The following CCDC178 variants were observed in gnomAD, a reference collection of about 807,000 sequenced individuals.
CCDC178 encodes the protein coiled-coil domain-containing protein 178.
A neutral mutation model predicts 117.4 loss-of-function variants in CCDC178; 126 were observed. That is an observed-to-expected ratio of 1.07 (90% confidence interval 0.93 to 1.24). The LOEUF (loss-of-function observed/expected upper bound fraction) is 1.24, where lower values mean the gene tolerates loss of function less well. CCDC178 is among the 50% of genes most tolerant of loss of function. The pLI is 0.00. For synonymous variants in CCDC178, 283 were observed against 313.4 expected (o/e 0.90, Z 1.02); for missense variants, 1,030 against 986.9 (o/e 1.04, Z -0.59).
At position 33,304,297 on chromosome 18, in the gene CCDC178, C is replaced by T. The variant is rs534151357; in HGVS notation, c.1023-10985G>A. 6.5e-4 allele frequency among the ~76,000 whole-genome samples: 99 copies of T among 152,256 alleles called. 1 individual carries two copies. The highest frequency in any genetic ancestry group is 2.3e-3 in the African/African-American group (94 of 41,556). The stretch of plus-strand genomic sequence containing the variant: ...CTGCCATCACATTGCTGGTTGTTGG[C>T]AGCAATTCTCAAGGGTGGTTGATTC... On this transcript the variant is annotated intron_variant, in intron 11 of 22. Coordinates refer to ENST00000383096, the MANE Select transcript of CCDC178 (RefSeq NM_001105528.4).
At chr18:33,082,567 A>G (rs1381222665) in intron 21 of CCDC178, among the ~76,000 whole-genome samples, 3 of 152,162 alleles carry the variant, frequency 2.0e-5, no homozygotes, top group Non-Finnish European at 1.5e-5. Context: ...GTATAATTGA[A>G]ATGATTGTGT....
chr18:33,388,079 A>C (rs2063518914), intron 5 of CCDC178, among the ~76,000 whole-genome samples: 1 of 152,234 alleles, frequency 6.6e-6, no homozygotes, highest in African/African-American at 2.4e-5. Flanking sequence ...TCTCAAGAAA[A>C]AGGCATACAT....
rs181715120 is a variant in CCDC178 at position 33,271,057 on chromosome 18, T to C, written c.1177-3760A>G. Among the ~76,000 whole-genome samples the C allele has an allele frequency of 2.6e-5, 4 of 151,548 alleles. No individual in the cohort carries two copies. In the East Asian group the frequency reaches 7.7e-4, roughly 29 times the overall value. Reference sequence around the variant, plus strand: ...AATCCAAAATAATTTTTTTTGTAAATTACATTGTGAATTCCACTCCTAGGG... The same window carrying C: ...AATCCAAAATAATTTTTTTTGTAAACTACATTGTGAATTCCACTCCTAGGG... On this transcript the variant is annotated intron_variant, in intron 12 of 22. Coordinates refer to ENST00000383096, the MANE Select transcript of CCDC178 (RefSeq NM_001105528.4).
intron 11 of CCDC178, among the ~76,000 whole-genome samples, chr18:33,321,557 G>A (rs1187650053): frequency 2.0e-5 from 3 of 152,044 alleles, no homozygotes; most frequent in Non-Finnish European, 2.9e-5. Flanking sequence ...AATAACTAGA[G>A]TAAAATTTTT....
chr18:33,398,761 T>G (rs1172691839), intron 3 of CCDC178, among the ~76,000 whole-genome samples: 1 of 152,124 alleles, frequency 6.6e-6, no homozygotes, highest in Non-Finnish European at 1.5e-5. Flanking sequence ...TCTAGACAAC[T>G]GCAATAAAGT....
intron 20 of CCDC178, among the ~76,000 whole-genome samples, chr18:33,107,331 C>A (rs965018687): frequency 6.6e-6 from 1 of 151,502 alleles, no homozygotes; most frequent in African/African-American, 2.4e-5. Context: ...TAAATGTATT[C>A]CATCATTTAT....
chr18:33,063,626 A>G (rs1377127233), intron 21 of CCDC178, among the ~76,000 whole-genome samples: 2 of 152,172 alleles, frequency 1.3e-5, no homozygotes, highest in Non-Finnish European at 2.9e-5. Flanking sequence ...CACACGCTGT[A>G]CACAGAGCCC....
At chr18:33,049,178 T>C (rs2056698153) in intron 21 of CCDC178, among the ~76,000 whole-genome samples, 1 of 152,084 alleles carries the variant, frequency 6.6e-6, no homozygotes, top group African/African-American at 2.4e-5. Flanking sequence ...AGCCTCACAA[T>C]AAGATTTTTC....
chr18:33,151,685 T>G (rs1292033592), intron 20 of CCDC178, among the ~76,000 whole-genome samples: 1 of 152,202 alleles, frequency 6.6e-6, no homozygotes, highest in Non-Finnish European at 1.5e-5. Context: ...GAAAACTGTT[T>G]CTCATTTCTG....
At chr18:33,160,457 T>A (rs768922707) in intron 20 of CCDC178, among the ~76,000 whole-genome samples, 1 of 152,150 alleles carries the variant, frequency 6.6e-6, no homozygotes, top group Non-Finnish European at 1.5e-5. Context: ...TAATTTTATA[T>A]TCAAGTATTC....
At chr18:33,296,213 T>C (rs1181181518) in intron 11 of CCDC178, among the ~76,000 whole-genome samples, 1 of 152,114 alleles carries the variant, frequency 6.6e-6, no homozygotes, top group Non-Finnish European at 1.5e-5. Flanking sequence ...GTTTCATTTA[T>C]ATAACACTCT....
At chr18:32,966,621 G>C (rs1230230812) in intron 22 of CCDC178, among the ~76,000 whole-genome samples, 1 of 151,842 alleles carries the variant, frequency 6.6e-6, no homozygotes, top group East Asian at 1.9e-4. Context: ...TTTAAAAAGT[G>C]TTAGAGCTAT....
chr18:33,008,913 G>A (rs1436554185), intron 21 of CCDC178, among the ~76,000 whole-genome samples: 1 of 152,046 alleles, frequency 6.6e-6, no homozygotes, highest in Non-Finnish European at 1.5e-5. Context: ...TCACCTGAAT[G>A]TCTTAAATCC....
Position 33,279,359 on chromosome 18 carries a change from C to T in CCDC178, c.1177-12062G>A, listed in dbSNP as rs1483245992. On this transcript the variant is annotated intron_variant, in intron 12 of 22. Transcript: ENST00000383096. ...ATGAGTGAACTCCCATTCACAATTGCTTCAAAGAGAATAAAATACCTAGGA... is the reference window on the plus strand; with the variant it reads ...ATGAGTGAACTCCCATTCACAATTGTTTCAAAGAGAATAAAATACCTAGGA... 7.9e-5 allele frequency among the ~76,000 whole-genome samples: 12 copies of T among 152,132 alleles called. No individual in the cohort carries two copies. The South Asian group carries it at 2.5e-3, about 32-fold the overall frequency.
intron 20 of CCDC178, among the ~76,000 whole-genome samples, chr18:33,190,645 G>A (rs977806707): frequency 3.3e-5 from 5 of 152,164 alleles, no homozygotes; most frequent in Admixed American, 6.5e-5. Flanking sequence ...TTGATGCAAT[G>A]TTAGGCAGAA....
At chr18:33,392,779 T>G (rs2063580735) in intron 4 of CCDC178, among the ~76,000 whole-genome samples, 2 of 152,098 alleles carry the variant, frequency 1.3e-5, no homozygotes. Context: ...GAATGATCAC[T>G]TAAGCCCAGG....
intron 21 of CCDC178, chr18:32,983,438 G>A (rs923157193): frequency 3.4e-5 from 25 of 742,762 alleles, no homozygotes; most frequent in Non-Finnish European, 5.1e-5. Flanking sequence ...CAAACAAATA[G>A]TACAACTGTA....
intron 20 of CCDC178, among the ~76,000 whole-genome samples, chr18:33,198,610 C>T (rs1314597114): frequency 6.6e-6 from 1 of 152,058 alleles, no homozygotes; most frequent in Non-Finnish European, 1.5e-5. Flanking sequence ...TTTAGCAATG[C>T]TTAGCCCATT....
At chr18:33,297,770 A>G (rs7227288) in intron 11 of CCDC178, among the ~76,000 whole-genome samples, 137,978 of 152,200 alleles carry the variant, frequency 0.91, 62,707 homozygotes, top group East Asian at 1. Flanking sequence ...GGCCAGGCAC[A>G]GTGGCTCACG....
Sources: gnomAD v4.1 joint callset for allele counts (sites outside exome capture counted in the v4.1 genomes callset) on GRCh38, gnomAD v4.1.1 for gene constraint, MANE v1.5 for transcripts, NCBI Gene and HGNC (gene_info 2026-07-23, HGNC 2026-07-21) for gene names.